The following CLEC4F variants were observed in gnomAD, a reference collection of about 807,000 sequenced individuals.
The protein encoded by CLEC4F is C-type lectin domain family 4 member F, also known as C-type (calcium dependent, carbohydrate-recognition domain) lectin, superfamily member 13.
Under a neutral mutation model 53.4 loss-of-function variants are expected in CLEC4F, and 45 were observed. That is an observed-to-expected ratio of 0.84 (90% CI 0.66 to 1.08). The LOEUF is 1.08. Among genes scored for constraint, CLEC4F ranks in the 50% least tolerant of loss-of-function variants. CLEC4F has a pLI of 0.00. For missense variants in CLEC4F, 753 were observed against 698.2 expected (o/e 1.08, Z -0.88); for synonymous variants, 245 against 257.5 (o/e 0.95, Z 0.46).
chr2:70,808,926 C>A lies in CLEC4F; in HGVS notation c.*345G>T. 1 of 717,060 alleles carries A rather than the reference C, an allele frequency of 1.4e-6. No homozygotes were observed. The highest frequency in any genetic ancestry group is 2.3e-6 in the Non-Finnish European group (1 of 429,588). The allele number at this position is 717,060 out of a possible 1,614,324, so 44.4% of individuals were successfully genotyped here. On this transcript the variant is annotated 3_prime_UTR_variant, in exon 7 of 7. Transcript: ENST00000272367. ...GGAGCAGCCCCTCAGCTCTGGCCTGCCCTCAGGCCACACCCTGGCCCATGG... is the reference window on the plus strand; with the variant it reads ...GGAGCAGCCCCTCAGCTCTGGCCTGACCTCAGGCCACACCCTGGCCCATGG...
chr2:70,813,515 C>CTTTCTTTCTTTCTTTCT (rs1558612184), intron 4 of CLEC4F, among the ~76,000 whole-genome samples: 27 of 8,062 alleles, frequency 3.3e-3, no homozygotes, highest in Admixed American at 0.02. Flanking sequence ...TCTTTCTTTT[C>CTTTCTTTCTTTCTTTCT]TTTCTTTCTT....
chr2:70,823,824 T>C (rs1574388786), upstream of CLEC4F, among the ~76,000 whole-genome samples: 1 of 150,946 alleles, frequency 6.6e-6, no homozygotes, highest in South Asian at 2.1e-4. Context: ...AGGCCAAGAG[T>C]TCAAGACCAG....
At chr2:70,819,270 G>A in intron 3 of CLEC4F, 85 bp downstream of exon 3, 2 of 1,029,286 alleles carry the variant, frequency 1.9e-6, no homozygotes, top group Non-Finnish European at 3.1e-6. Flanking sequence ...TGGTCAGAGG[G>A]TACCAGGAGA....
Position 70,819,569 on chromosome 2 carries a change from C to T in CLEC4F, c.179-125G>A. On this transcript the variant is annotated intron_variant, in intron 2 of 6. Coordinates refer to ENST00000272367, the MANE Select transcript of CLEC4F (RefSeq NM_173535.3). ...GCAGCAAAGACCCTCCCAGGGTTTC[C>T]CTCATGAACCTCAGTTCTTGGGAGG... is the stretch of plus-strand genomic sequence containing the variant. 1.6e-5 allele frequency: 15 copies of T among 947,192 alleles called. No homozygotes were observed. The South Asian group carries it at 2.1e-4, about 13-fold the overall frequency. 58.7% of individuals were successfully genotyped at this position (947,192 alleles called of 1,614,324 possible).
chr2:70,813,156 A>G (rs533522451), intron 4 of CLEC4F, among the ~76,000 whole-genome samples: 8 of 152,308 alleles, frequency 5.3e-5, no homozygotes, highest in African/African-American at 1.7e-4. Context: ...GGCGTCATCT[A>G]TGCCACAGCT....
upstream of CLEC4F, chr2:70,820,629 A>C: frequency 1.8e-6 from 2 of 1,127,790 alleles, no homozygotes; most frequent in Non-Finnish European, 2.5e-6. Context: ...CCACACTTAT[A>C]TGCTCCTGAC....
chr2:70,821,686 T>C (rs1489840597), upstream of CLEC4F, among the ~76,000 whole-genome samples: 1 of 152,152 alleles, frequency 6.6e-6, no homozygotes, highest in African/African-American at 2.4e-5. Flanking sequence ...ATTGTTCTAG[T>C]GAATTATGAA....
Position 70,809,761 on chromosome 2 carries a change from A to G in CLEC4F, c.1636T>C (p.Phe546Leu), listed in dbSNP as rs542885903. 3.7e-6 allele frequency: 6 copies of G among 1,614,122 alleles called. No homozygotes were observed. In the South Asian group the frequency reaches 5.5e-5, roughly 15 times the overall value. Reference sequence around the variant, plus strand: ...CACGCTTTGTTCTGGGCGGCGTTGAATGGTGTCCCATCTGTCCAGCGCCAG... The same window carrying G: ...CACGCTTTGTTCTGGGCGGCGTTGAGTGGTGTCCCATCTGTCCAGCGCCAG... ...GSWRWTDGTP[F>L]NAAQNKAPGS... The change falls in exon 6 of 7, where the codon TTC (phenylalanine) becomes CTC (leucine). Residue 546 changes from phenylalanine (F) to leucine (L), a missense_variant. Coordinates refer to ENST00000272367, the MANE Select transcript of CLEC4F (RefSeq NM_173535.3).
At chr2:70,822,959 C>A (rs1424038495), upstream of CLEC4F, among the ~76,000 whole-genome samples, 2 of 152,244 alleles carry the variant, frequency 1.3e-5, no homozygotes, top group Non-Finnish European at 2.9e-5. Flanking sequence ...GAACGTGCCT[C>A]CTCTGAGGCC....
At chr2:70,814,985 T>C (rs1338723166) in intron 4 of CLEC4F, among the ~76,000 whole-genome samples, 4 of 152,086 alleles carry the variant, frequency 2.6e-5, no homozygotes, top group Non-Finnish European at 5.9e-5. Context: ...AATAAGGACA[T>C]TGGGGCACTA....
intron 4 of CLEC4F, among the ~76,000 whole-genome samples, chr2:70,812,990 C>T (rs1676647467): frequency 6.6e-6 from 1 of 152,026 alleles, no homozygotes; most frequent in Non-Finnish European, 1.5e-5. Context: ...TCATCTCCAT[C>T]CACTTGCACT....
intron 4 of CLEC4F, among the ~76,000 whole-genome samples, chr2:70,812,935 T>C (rs1290030889): frequency 2.0e-5 from 3 of 152,232 alleles, no homozygotes; most frequent in African/African-American, 7.2e-5. Context: ...CCATCTTCCC[T>C]GGGGATTTTA....
At position 70,809,377 on chromosome 2, in the gene CLEC4F, C is replaced by A. The variant is rs147996012; in HGVS notation, c.1664G>T (p.Gly555Val). ...TCTGAGTGGGCAGGATCCCTTGGAACCAGGCCTGAGTAGGGCAGGGGGAAA... is the reference window on the plus strand; with the variant it reads ...TCTGAGTGGGCAGGATCCCTTGGAAACAGGCCTGAGTAGGGCAGGGGGAAA... Reference protein sequence around the residue: ...PFNAAQNKAPGSKGSCPLRKY... With the variant: ...PFNAAQNKAPVSKGSCPLRKY... The change falls in exon 7 of 7, where the codon GGT (glycine) becomes GTT (valine). Residue 555 changes from glycine to valine, a missense_variant. Physicochemically the swap from Gly to Val is moderately radical, Grantham distance 109 (BLOSUM62 -3). Transcript: ENST00000272367. The A allele has an allele frequency of 6.2e-6, 10 of 1,609,040 alleles. 1 individual carries two copies. The highest frequency in any genetic ancestry group is 3.4e-6 in the Non-Finnish European group (4 of 1,177,744).
chr2:70,822,438 T>C (rs1363791384), upstream of CLEC4F, among the ~76,000 whole-genome samples: 2 of 98,424 alleles, frequency 2.0e-5, no homozygotes. Context: ...GAGGAACAGA[T>C]ACTGCTTCAG....
At chr2:70,824,792 G>A (rs1447329235), upstream of CLEC4F, among the ~76,000 whole-genome samples, 1 of 152,154 alleles carries the variant, frequency 6.6e-6, no homozygotes, top group Non-Finnish European at 1.5e-5. Flanking sequence ...ATATCTGTGA[G>A]TCCATACTGA....
chr2:70,811,365 A>G (rs1676551021), intron 5 of CLEC4F: 2 of 850,078 alleles, frequency 2.4e-6, no homozygotes, highest in African/African-American at 1.7e-5. Flanking sequence ...TTGAGCAGCT[A>G]GTGTACTGTC....
At chr2:70,819,713 C>T in intron 2 of CLEC4F, 62 bp downstream of exon 2, 1 of 1,257,346 alleles carries the variant, frequency 8.0e-7, no homozygotes, top group Non-Finnish European at 1.1e-6. Context: ...ATCTGGGGCC[C>T]CTGGGGACTT....
chr2:70,824,494 A>G (rs906484305), upstream of CLEC4F, among the ~76,000 whole-genome samples: 2 of 151,994 alleles, frequency 1.3e-5, no homozygotes, highest in East Asian at 3.9e-4. Context: ...GATTTCTAAC[A>G]CCATTCTCCA....
chr2:70,820,423 C>A (rs1677173839), intron 1 of CLEC4F, 40 bp downstream of exon 1: 6 of 1,540,816 alleles, frequency 3.9e-6, no homozygotes, highest in African/African-American at 1.4e-5. Flanking sequence ...AGGCAGGCTA[C>A]TCCCTCACTG....
Sources: gnomAD v4.1 joint callset for allele counts (sites outside exome capture counted in the v4.1 genomes callset) on GRCh38, gnomAD v4.1.1 for gene constraint, MANE v1.5 for transcripts, NCBI Gene and HGNC (gene_info 2026-07-23, HGNC 2026-07-21) for gene names.